Variants in ADAM28 observed in about 807,000 individuals in gnomAD.
ADAM28 encodes the protein disintegrin and metalloproteinase domain-containing protein 28.
ADAM28 carries 105 observed loss-of-function variants against 101.2 expected under a neutral mutation model. The observed-to-expected ratio is 1.04, with a 90% CI of 0.89 to 1.22. The LOEUF is 1.22. ADAM28 is among the 50% of genes most tolerant of loss of function. The pLI is 0.00. For missense variants in ADAM28, 1,028 were observed against 945.4 expected, an observed-to-expected ratio of 1.09 and a Z score of -1.15; for synonymous variants, 322 against 310.6, an observed-to-expected ratio of 1.04 and a Z score of -0.39.
chr8:24,319,265 G>T (rs918986826), intron 6 of ADAM28, among the ~76,000 whole-genome samples: 1 of 151,824 alleles, frequency 6.6e-6, no homozygotes, highest in Admixed American at 6.6e-5. Context: ...GCTCTTTAGA[G>T]AATTTCACCT....
At chr8:24,300,406 ATTTGTTT>A (rs1018722650) in intron 2 of ADAM28, among the ~76,000 whole-genome samples, 1 of 151,982 alleles carries the variant, frequency 6.6e-6, no homozygotes, top group African/African-American at 2.4e-5. Context: ...AAAAGAGTAA[ATTTGTTT>A]TTTGTTTTTT....
intron 9 of ADAM28, among the ~76,000 whole-genome samples, chr8:24,325,871 C>CAAAACAAAAAA (rs1812476449): frequency 4.9e-5 from 1 of 20,420 alleles, no homozygotes; most frequent in Non-Finnish European, 8.1e-5. Context: ...GTACAGATAG[C>CAAAACAAAAAA]AAAAAAAAAA....
chr8:24,314,469 TTTC>T (rs1810892938), intron 6 of ADAM28, among the ~76,000 whole-genome samples: 1 of 152,172 alleles, frequency 6.6e-6, no homozygotes, highest in Admixed American at 6.6e-5. Context: ...CTTACTTTTA[TTTC>T]TTATTGATAC....
chr8:24,344,870 G>C (rs1039633414), intron 18 of ADAM28, among the ~76,000 whole-genome samples: 4 of 151,806 alleles, frequency 2.6e-5, no homozygotes, highest in Non-Finnish European at 5.9e-5. Context: ...AACTTTCTAA[G>C]TTGTACTTAT....
At chr8:24,311,306 G>C in intron 4 of ADAM28, 55 bp from the exon 5 acceptor site, 1 of 1,399,730 alleles carries the variant, frequency 7.1e-7, no homozygotes, top group Non-Finnish European at 1.0e-6. Flanking sequence ...TGCGGCTTTA[G>C]CAGCGGTGCT....
chr8:24,358,260 A>G lies in ADAM28; in HGVS notation c.*3856A>G, dbSNP rs1201697363. 4 of 152,062 alleles carry G rather than the reference A, an allele frequency of 2.6e-5. No homozygotes were observed. Among genetic ancestry groups the G allele is most frequent in the Non-Finnish European group, 4.4e-5 (3 of 68,014 alleles). The allele number at this position is 152,062 out of a possible 1,614,324, so 9.4% of individuals were successfully genotyped here. A position where few individuals can be genotyped will look rare whatever the true frequency, so the allele number is the denominator to read the frequency against. On this transcript the variant is annotated 3_prime_UTR_variant, in exon 23 of 23. Coordinates refer to ENST00000265769, the MANE Select transcript of ADAM28 (RefSeq NM_014265.6). Reference sequence around the variant, plus strand: ...ATTATTTCCTAAGTGTTATATTGCTATTTTTCAGTTGGTGCATCCAATATT... The same window carrying G: ...ATTATTTCCTAAGTGTTATATTGCTGTTTTTCAGTTGGTGCATCCAATATT...
At chr8:24,316,450 T>C (rs1811175301) in intron 6 of ADAM28, among the ~76,000 whole-genome samples, 1 of 152,060 alleles carries the variant, frequency 6.6e-6, no homozygotes, top group South Asian at 2.1e-4. Context: ...AATGCAGTTG[T>C]TGATGATTAA....
chr8:24,306,509 C>G (rs1809715816), intron 2 of ADAM28, among the ~76,000 whole-genome samples: 1 of 151,090 alleles, frequency 6.6e-6, no homozygotes, highest in South Asian at 2.1e-4. Context: ...AGTCGCTGAT[C>G]TCTAGTTTCT....
chr8:24,341,805 G>C (rs62498242), intron 16 of ADAM28, 48 bp downstream of exon 16: 1 of 1,610,912 alleles, frequency 6.2e-7, no homozygotes, highest in Non-Finnish European at 8.5e-7. Context: ...TTTTACTTTG[G>C]TGTGCTTTGT....
intron 1 of ADAM28, chr8:24,295,701 T>A (rs1807874576): frequency 6.6e-6 from 1 of 152,242 alleles, no homozygotes. Context: ...ATGTATAACA[T>A]GGCACCAAGA....
Position 24,311,358 on chromosome 8 carries a change from T to C in ADAM28, c.307-3T>C. 6.2e-7 allele frequency: 1 copy of C among 1,610,680 alleles called. No homozygotes were observed. The highest frequency in any genetic ancestry group is 8.5e-7 in the Non-Finnish European group (1 of 1,178,556). ...TCTCTTTACAAAACCCCTTTTCCTT[T>C]AGGATGATTGTTATTATCAAGGACA... On this transcript the variant is annotated splice_polypyrimidine_tract_variant and splice_region_variant and intron_variant, in intron 4 of 22. Coordinates refer to ENST00000265769, the MANE Select transcript of ADAM28 (RefSeq NM_014265.6).
At position 24,356,099 on chromosome 8, in the gene ADAM28, T is replaced by A. The variant is rs1816665485; in HGVS notation, c.*1695T>A. 1 of 152,122 alleles carries A rather than the reference T, an allele frequency of 6.6e-6. No homozygotes were observed. The highest frequency in any genetic ancestry group is 1.5e-5 in the Non-Finnish European group (1 of 68,028). The allele number at this position is 152,122 out of a possible 1,614,324, so 9.4% of individuals were successfully genotyped here. On this transcript the variant is annotated 3_prime_UTR_variant, in exon 23 of 23. Coordinates refer to ENST00000265769, the MANE Select transcript of ADAM28 (RefSeq NM_014265.6). ...GGAAATCCAGAGTCCACTGATCAAA[T>A]CACTGTCAAGGATACAGGCTTTTTC...
At chr8:24,347,122 C>T (rs930519333) in intron 18 of ADAM28, 1 of 151,964 alleles carries the variant, frequency 6.6e-6, no homozygotes, top group African/African-American at 2.4e-5. Flanking sequence ...GATTAAGGTC[C>T]ACTAGTTCTC....
chr8:24,297,346 A>G (rs1808104704), intron 1 of ADAM28, among the ~76,000 whole-genome samples: 1 of 152,336 alleles, frequency 6.6e-6, no homozygotes, highest in South Asian at 2.1e-4. Context: ...CTAGAAGCAT[A>G]GAGGTCAGGG....
rs1238088857 is a variant in ADAM28, at chr8:24,343,526, G to T, written c.1932G>T (p.Gln644His). The change falls in exon 18 of 23, where the codon CAG becomes CAT. Residue 644 changes from glutamine to histidine, a missense_variant. Transcript: ENST00000265769. ...CCTAGGTGTGTGACCATGAGCTCCA[G>T]TGTCAATGTGAGGAAGGATGGATCC... ...KGHAVCDHELQCQCEEGWIPP... is the reference protein window; with the variant it reads ...KGHAVCDHELHCQCEEGWIPP... 1 of 1,613,796 alleles carries T rather than the reference G, an allele frequency of 6.2e-7. No individual in the cohort carries two copies. Among genetic ancestry groups the T allele is most frequent in the Admixed American group, 1.7e-5 (1 of 59,984 alleles).
chr8:24,351,033 A>G (rs1024637181), intron 19 of ADAM28, among the ~76,000 whole-genome samples, 199 bp from the exon 20 acceptor site: 1 of 152,120 alleles, frequency 6.6e-6, no homozygotes, highest in Non-Finnish European at 1.5e-5. Context: ...AAAAAAGAAA[A>G]CTAGTAGTGA....
chr8:24,336,484 G>T (rs1441523108), intron 14 of ADAM28, among the ~76,000 whole-genome samples: 1 of 150,208 alleles, frequency 6.7e-6, no homozygotes, highest in African/African-American at 2.4e-5. Context: ...GGAGGCTGAG[G>T]CAGGAGAAGG....
chr8:24,303,030 T>G (rs938684752), intron 2 of ADAM28, among the ~76,000 whole-genome samples: 7 of 151,588 alleles, frequency 4.6e-5, no homozygotes, highest in African/African-American at 7.3e-5. Flanking sequence ...TCCTTGTAGA[T>G]TCTGCATATT....
At position 24,349,879 on chromosome 8, in the gene ADAM28, T is replaced by C. The variant is rs1208859178; in HGVS notation, c.2006T>C (p.Val669Ala). Residue 669 changes from valine to alanine, a missense_variant, in exon 19 of 23, where the codon GTT becomes GCT. Transcript: ENST00000265769. ...TCTGCTGCAGACTTCTCCATTGTGG[T>C]TGGGGTGCTGTTCCCAATGGCGGTC... ...SSVVFHFSIV[V>A]GVLFPMAVIF... 1.9e-6 allele frequency: 3 copies of C among 1,613,522 alleles called. No individual in the cohort carries two copies. The highest frequency in any genetic ancestry group is 2.5e-6 in the Non-Finnish European group (3 of 1,179,732).
Sources: gnomAD v4.1 joint callset for allele counts (sites outside exome capture counted in the v4.1 genomes callset) on GRCh38, gnomAD v4.1.1 for gene constraint, MANE v1.5 for transcripts, NCBI Gene and HGNC (gene_info 2026-07-23, HGNC 2026-07-21) for gene names.